GRM7: variants seen among roughly 807,000 people sequenced by gnomAD.
GRM7 encodes the protein metabotropic glutamate receptor 7.
In GRM7, 35 loss-of-function variants were observed where a neutral mutation model predicts 84.5. That is an observed-to-expected ratio of 0.41 (90% CI 0.32 to 0.55). The LOEUF (loss-of-function observed/expected upper bound fraction) is 0.55, where lower values mean the gene tolerates loss of function less well. GRM7 is among the 20% of genes least tolerant of loss of function. The pLI is 0.19. For synonymous variants in GRM7, 487 were observed against 455.1 expected (o/e 1.07, Z -0.89); for missense variants, 1,003 against 1,194.6 (o/e 0.84, Z 2.36).
intron 1 of GRM7, among the ~76,000 whole-genome samples, chr3:7,130,016 G>C (rs73122317): frequency 0.067 from 10,230 of 152,100 alleles, 945 homozygotes; most frequent in African/African-American, 0.2. Context: ...GATTCGAATT[G>C]TTTCTCATTA....
At position 7,024,059 on chromosome 3, in the gene GRM7, C is replaced by T. The variant is rs191391794; in HGVS notation, c.520-122393C>T. Among the ~76,000 whole-genome samples, 9 of 152,278 alleles carry T rather than the reference C, an allele frequency of 5.9e-5. No individual in the cohort carries two copies. The East Asian group carries it at 1.4e-3, about 23-fold the overall frequency. On this transcript the variant is annotated intron_variant, in intron 1 of 9. Transcript: ENST00000357716. The stretch of plus-strand genomic sequence containing the variant: ...AGGCCCACTCCCTTACAGGACAACT[C>T]GGTTCAAGTGGCTCCGGTAACTTCT...
chr3:7,346,285 G>T (rs1177918739), intron 4 of GRM7, among the ~76,000 whole-genome samples: 2 of 152,052 alleles, frequency 1.3e-5, no homozygotes, highest in Non-Finnish European at 2.9e-5. Context: ...ATGTGTTCCA[G>T]CATGACCTAT....
At chr3:7,280,558 A>T (rs183969923) in intron 2 of GRM7, among the ~76,000 whole-genome samples, 10 of 152,324 alleles carry the variant, frequency 6.6e-5, no homozygotes, top group Admixed American at 1.3e-4. Context: ...GACTGAAATC[A>T]CAGTGCTACC....
At chr3:7,139,978 A>G (rs1006125970) in intron 1 of GRM7, among the ~76,000 whole-genome samples, 6 of 151,992 alleles carry the variant, frequency 3.9e-5, no homozygotes, top group African/African-American at 1.4e-4. Flanking sequence ...CAGGAAAACA[A>G]CTCAATTAAA....
chr3:7,064,548 GAT>G lies in GRM7; in HGVS notation c.520-81883_520-81882del, dbSNP rs60042248. On this transcript the variant is annotated intron_variant, in intron 1 of 9. Transcript: ENST00000357716. Reference sequence around the variant, plus strand: ...CACACACACGCATCCATCATGTATGGATATATATATATATATATATATCACAG... The same window carrying G: ...CACACACACGCATCCATCATGTATGGATATATATATATATATATATCACAG... Among the ~76,000 whole-genome samples the G allele has an allele frequency of 4.7e-3, 423 of 89,330 alleles. 1 individual carries two copies. Among genetic ancestry groups the G allele is most frequent in the African/African-American group, 0.014 (284 of 20,012 alleles). 58.6% of individuals were successfully genotyped at this position (89,330 alleles called of 152,430 possible).
At position 7,332,322 on chromosome 3, in the gene GRM7, G is replaced by A. The variant is rs142789166; in HGVS notation, c.1033+25670G>A. On this transcript the variant is annotated intron_variant, in intron 4 of 9. Transcript: ENST00000357716. ...ATCTTAGGGAAAGAAATAGAACTAA[G>A]ATCATATACCTGGTTAATAGTGAGG... 7.1e-3 allele frequency among the ~76,000 whole-genome samples: 1,076 copies of A among 152,268 alleles called. 18 individuals are homozygous for A. Among genetic ancestry groups the A allele is most frequent in the African/African-American group, 0.025 (1,050 of 41,566 alleles).
At chr3:7,286,864 A>G (rs530281855) in intron 2 of GRM7, among the ~76,000 whole-genome samples, 48 of 152,320 alleles carry the variant, frequency 3.2e-4, no homozygotes, top group African/African-American at 1.1e-3. Context: ...TCAAAACACA[A>G]TATCATTGAA....
intron 2 of GRM7, among the ~76,000 whole-genome samples, chr3:7,215,693 A>AAATG (rs1459226330): frequency 1.3e-5 from 2 of 151,948 alleles, no homozygotes; most frequent in Non-Finnish European, 2.9e-5. Flanking sequence ...ATAAATAAAT[A>AAATG]AATTTCTTTT....
At chr3:7,286,111 C>T (rs986945990) in intron 2 of GRM7, among the ~76,000 whole-genome samples, 10 of 152,194 alleles carry the variant, frequency 6.6e-5, no homozygotes, top group African/African-American at 2.2e-4. Context: ...ACTTTCCCCT[C>T]ATGGGAAGGA....
intron 2 of GRM7, among the ~76,000 whole-genome samples, chr3:7,222,972 T>C (rs986975356): frequency 2.0e-5 from 3 of 152,218 alleles, no homozygotes; most frequent in African/African-American, 7.2e-5. Flanking sequence ...TTTGAAATTA[T>C]ACATTTTCTT....
intron 1 of GRM7, among the ~76,000 whole-genome samples, chr3:7,120,637 T>A (rs890875857): frequency 3.9e-5 from 6 of 152,126 alleles, no homozygotes; most frequent in African/African-American, 1.4e-4. Context: ...CTACATTAAA[T>A]ATGCAATCAT....
At chr3:7,091,875 G>C (rs1392071441) in intron 1 of GRM7, among the ~76,000 whole-genome samples, 9 of 151,226 alleles carry the variant, frequency 6.0e-5, no homozygotes, top group Non-Finnish European at 1.3e-4. Context: ...ATGTAGGACA[G>C]TTCTTTCCTG....
intron 1 of GRM7, among the ~76,000 whole-genome samples, chr3:6,889,842 G>T (rs2124980256): frequency 6.6e-6 from 1 of 152,264 alleles, no homozygotes; most frequent in South Asian, 2.1e-4. Context: ...GTAGAATTCG[G>T]CTGTGAATCC....
intron 1 of GRM7, among the ~76,000 whole-genome samples, chr3:7,081,042 C>T (rs1698259378): frequency 6.6e-6 from 1 of 152,034 alleles, no homozygotes; most frequent in African/African-American, 2.4e-5. Context: ...ATATAAGTTA[C>T]TTTGTGTAGC....
chr3:7,140,652 A>G (rs1359072475), intron 1 of GRM7, among the ~76,000 whole-genome samples: 1 of 152,060 alleles, frequency 6.6e-6, no homozygotes, highest in Non-Finnish European at 1.5e-5. Context: ...AAGACACTAA[A>G]TTATAATTTA....
At position 7,371,704 on chromosome 3, in the gene GRM7, G is replaced by A. The variant is rs1257027399; in HGVS notation, c.1034-43319G>A. ...TGACACCCCCTTTCTCCTCCTCTAT[G>A]GACATATGCATTAAGTAGTAGAGCT... is the stretch of plus-strand genomic sequence containing the variant. On this transcript the variant is annotated intron_variant, in intron 4 of 9. Coordinates refer to ENST00000357716, the MANE Select transcript of GRM7 (RefSeq NM_000844.4). Among the ~76,000 whole-genome samples the A allele has an allele frequency of 6.6e-5, 10 of 152,058 alleles. No individual in the cohort carries two copies. The East Asian group carries it at 1.9e-3, about 29-fold the overall frequency.
intron 9 of GRM7, among the ~76,000 whole-genome samples, chr3:7,698,169 T>C (rs1243642027): frequency 6.6e-6 from 1 of 152,130 alleles, no homozygotes; most frequent in African/African-American, 2.4e-5. Flanking sequence ...TAAAGAGGAC[T>C]GAAGGGGGCC....
intron 1 of GRM7, among the ~76,000 whole-genome samples, chr3:7,019,995 G>T (rs973712058): frequency 6.6e-6 from 1 of 152,126 alleles, no homozygotes; most frequent in Non-Finnish European, 1.5e-5. Context: ...TCAAGCTACA[G>T]GCACATGCCA....
chr3:7,691,833 G>A (rs1320060814), intron 9 of GRM7, among the ~76,000 whole-genome samples: 2 of 151,950 alleles, frequency 1.3e-5, no homozygotes, highest in African/African-American at 4.8e-5. Flanking sequence ...GCTAATTTTT[G>A]TATTTTTAGT....
Sources: allele counts gnomAD v4.1 joint callset (sites outside exome capture counted in the v4.1 genomes callset), GRCh38; gene constraint gnomAD v4.1.1; transcripts MANE v1.5; gene names NCBI Gene and HGNC (gene_info 2026-07-23, HGNC 2026-07-21).